Variants in BABAM2 observed in about 807,000 individuals in gnomAD.
The protein encoded by BABAM2 is BRISC and BRCA1-A complex member 2.
A neutral mutation model predicts 54.7 loss-of-function variants in BABAM2; 31 were observed. The ratio of observed to expected loss-of-function variants is 0.57; its 90% CI spans 0.43 to 0.77. The LOEUF (loss-of-function observed/expected upper bound fraction) is 0.77. Among genes scored for constraint, BABAM2 ranks in the 30% least tolerant of loss-of-function variants. The pLI, the probability that BABAM2 is intolerant of heterozygous loss-of-function variation, is 0.00. For synonymous variants in BABAM2, 167 were observed against 162.9 expected (o/e 1.03, Z -0.19); for missense variants, 364 against 455.8 (o/e 0.80, Z 1.83).
At chr2:28,146,795 T>A (rs1465190589) in intron 7 of BABAM2, among the ~76,000 whole-genome samples, 1 of 152,142 alleles carries the variant, frequency 6.6e-6, no homozygotes, top group African/African-American at 2.4e-5. Flanking sequence ...TCTCTAGAAC[T>A]CTCATGTATA....
intron 3 of BABAM2, among the ~76,000 whole-genome samples, chr2:27,953,269 C>A (rs566903531): frequency 6.6e-6 from 1 of 152,128 alleles, no homozygotes; most frequent in African/African-American, 2.4e-5. Context: ...CAGCCTTGAA[C>A]TCCTGGGCTC....
At chr2:27,933,517 T>C (rs1227259815) in intron 3 of BABAM2, among the ~76,000 whole-genome samples, 1 of 151,796 alleles carries the variant, frequency 6.6e-6, no homozygotes, top group East Asian at 1.9e-4. Context: ...CACATATATA[T>C]ACACACACAT....
intron 11 of BABAM2, among the ~76,000 whole-genome samples, chr2:28,312,314 C>T (rs1689157708): frequency 6.6e-6 from 1 of 152,074 alleles, no homozygotes; most frequent in Non-Finnish European, 1.5e-5. Context: ...AGATTCATGC[C>T]TTATTAAAGT....
At chr2:28,062,678 A>G (rs1004202270) in intron 6 of BABAM2, among the ~76,000 whole-genome samples, 2 of 151,756 alleles carry the variant, frequency 1.3e-5, no homozygotes, top group Non-Finnish European at 2.9e-5. Context: ...ATCAGCTCAC[A>G]TCAATGTAGA....
chr2:28,063,262 C>T (rs778328174), intron 6 of BABAM2, among the ~76,000 whole-genome samples: 20 of 152,258 alleles, frequency 1.3e-4, no homozygotes, highest in Non-Finnish European at 2.9e-4. Flanking sequence ...GGAAAAGACT[C>T]TAGACAGCAC....
At chr2:28,072,968 T>C (rs970746370) in intron 6 of BABAM2, among the ~76,000 whole-genome samples, 4 of 152,236 alleles carry the variant, frequency 2.6e-5, no homozygotes, top group Admixed American at 2.0e-4. Flanking sequence ...ACAAATTCCA[T>C]ACATTTAAAT....
intron 5 of BABAM2, 90 bp downstream of exon 5, chr2:28,025,510 T>G (rs1573417367): frequency 7.8e-7 from 1 of 1,276,278 alleles, no homozygotes; most frequent in South Asian, 1.8e-5. Context: ...TAGTCATTTC[T>G]TTAGATAAAC....
chr2:28,022,395 T>C (rs1163620407), intron 4 of BABAM2, among the ~76,000 whole-genome samples: 1 of 152,254 alleles, frequency 6.6e-6, no homozygotes, highest in Non-Finnish European at 1.5e-5. Context: ...TGAGCAGTTA[T>C]TTAATCTCTC....
chr2:28,025,294 A>T lies in BABAM2; in HGVS notation c.369A>T (p.Gln123His), dbSNP rs755992683. The change falls in exon 5 of 12, where the codon CAA becomes CAT. Residue 123 changes from glutamine (Q) to histidine (H), a missense_variant. By Grantham distance (24) the Gln-to-His change is conservative (BLOSUM62 0). Transcript: ENST00000379624. ...LLLVVKELVQ[Q>H]YHQFQCSRLR... ...TTGTGGTGAAGGAACTTGTGCAACAATATCACCAATTCCAATGTAGCCGCC... is the reference window on the plus strand; with the variant it reads ...TTGTGGTGAAGGAACTTGTGCAACATTATCACCAATTCCAATGTAGCCGCC... The T allele has an allele frequency of 1.2e-6, 2 of 1,612,846 alleles. No individual in the cohort carries two copies. Among genetic ancestry groups the T allele is most frequent in the South Asian group, 2.2e-5 (2 of 90,784 alleles).
At chr2:28,262,219 T>A (rs909992462) in intron 10 of BABAM2, among the ~76,000 whole-genome samples, 8 of 152,114 alleles carry the variant, frequency 5.3e-5, no homozygotes, top group Admixed American at 2.6e-4. Context: ...AGTAAGAGAT[T>A]AAGCTAAAGA....
chr2:27,933,451 GT>G (rs199892080), intron 3 of BABAM2, among the ~76,000 whole-genome samples: 12 of 148,772 alleles, frequency 8.1e-5, no homozygotes, highest in African/African-American at 1.2e-4. Context: ...AGAAAGATGA[GT>G]TTTTTTTTTA....
At chr2:28,230,772 A>G (rs1475593555) in intron 7 of BABAM2, among the ~76,000 whole-genome samples, 1 of 151,732 alleles carries the variant, frequency 6.6e-6, no homozygotes, top group Non-Finnish European at 1.5e-5. Flanking sequence ...CCTCTCCTTA[A>G]TTTAATATTT....
chr2:28,103,465 T>C (rs556310430), intron 6 of BABAM2, among the ~76,000 whole-genome samples: 12 of 152,226 alleles, frequency 7.9e-5, no homozygotes, highest in African/African-American at 2.9e-4. Flanking sequence ...CATGCCACCA[T>C]GCTCGGCTAA....
intron 7 of BABAM2, among the ~76,000 whole-genome samples, chr2:28,223,343 G>A (rs1246672339): frequency 5.9e-5 from 9 of 152,222 alleles, no homozygotes; most frequent in Admixed American, 5.2e-4. Context: ...CCCATCCAGT[G>A]TCTGTGTCCT....
At chr2:28,299,972 T>C (rs2148246493) in intron 11 of BABAM2, among the ~76,000 whole-genome samples, 1 of 152,330 alleles carries the variant, frequency 6.6e-6, no homozygotes, top group East Asian at 1.9e-4. Flanking sequence ...AGAATCTTGC[T>C]CTGTTGCCTA....
chr2:28,129,292 G>A lies in BABAM2; in HGVS notation c.592G>A (p.Glu198Lys). Residue 198 changes from glutamate (E) to lysine (K), a missense_variant, in exon 7 of 12, where the codon GAA becomes AAA. Coordinates refer to ENST00000379624, the MANE Select transcript of BABAM2 (RefSeq NM_199191.3). ...TAAGGATGTAAATGAAGACCCTGGA[G>A]AAGATGTGGCCCTCCTCTCTGTTAG... ...LLKDVNEDPG[E>K]DVALLSVSFE... The A allele has an allele frequency of 3.1e-6, 5 of 1,614,098 alleles. No individual in the cohort carries two copies. The highest frequency in any genetic ancestry group is 4.2e-6 in the Non-Finnish European group (5 of 1,179,946).
intron 6 of BABAM2, among the ~76,000 whole-genome samples, chr2:28,070,780 T>C (rs1664065243): frequency 6.6e-6 from 1 of 152,170 alleles, no homozygotes; most frequent in South Asian, 2.1e-4. Context: ...ATATGGACAT[T>C]TAAAACCTTG....
At chr2:27,951,375 GA>G (rs1182738930) in intron 3 of BABAM2, among the ~76,000 whole-genome samples, 2 of 151,950 alleles carry the variant, frequency 1.3e-5, no homozygotes, top group African/African-American at 4.8e-5. Flanking sequence ...ATTTCCCTTA[GA>G]TTTTTTTTGA....
chr2:28,009,462 CTGTT>C (rs1674234196), intron 4 of BABAM2, among the ~76,000 whole-genome samples: 1 of 152,064 alleles, frequency 6.6e-6, no homozygotes, highest in South Asian at 2.1e-4. Context: ...GAAACCTAGT[CTGTT>C]TGACGATGAG....
Sources: allele counts gnomAD v4.1 joint callset (sites outside exome capture counted in the v4.1 genomes callset), GRCh38; gene constraint gnomAD v4.1.1; transcripts MANE v1.5; gene names NCBI Gene and HGNC (gene_info 2026-07-23, HGNC 2026-07-21).